Variants in HDAC9 observed in about 807,000 individuals in gnomAD.
HDAC9 encodes MEF-2 interacting transcription repressor (MITR) protein.
A neutral mutation model predicts 139.4 loss-of-function variants in HDAC9; 41 were observed. The ratio of observed to expected loss-of-function variants is 0.29; its 90% CI spans 0.23 to 0.38. The LOEUF (loss-of-function observed/expected upper bound fraction) is 0.38, where lower values mean the gene tolerates loss of function less well. Among genes scored for constraint, HDAC9 ranks in the 10% least tolerant of loss-of-function variants. The pLI is 1.00. For synonymous variants in HDAC9, 517 were observed against 476.2 expected (o/e 1.09, Z -1.12); for missense variants, 1,147 against 1,297.0 (o/e 0.88, Z 1.78).
At chr7:18,882,892 A>C (rs1286859487) in intron 22 of HDAC9, among the ~76,000 whole-genome samples, 2 of 152,160 alleles carry the variant, frequency 1.3e-5, no homozygotes, top group African/African-American at 4.8e-5. Flanking sequence ...GAGGATGGGC[A>C]GACATCTTTG....
chr7:18,244,022 A>G (rs1255982667), intron 2 of HDAC9, among the ~76,000 whole-genome samples: 1 of 152,212 alleles, frequency 6.6e-6, no homozygotes, highest in African/African-American at 2.4e-5. Flanking sequence ...AGTTTATCCC[A>G]TGGAGGGGAA....
intron 2 of HDAC9, among the ~76,000 whole-genome samples, chr7:18,206,361 T>C (rs892687870): frequency 6.6e-6 from 1 of 152,208 alleles, no homozygotes; most frequent in Non-Finnish European, 1.5e-5. Flanking sequence ...TAGAATAAAG[T>C]TTATTTCATT....
intron 1 of HDAC9, among the ~76,000 whole-genome samples, chr7:18,150,260 C>T (rs1223497608): frequency 6.6e-6 from 1 of 151,368 alleles, no homozygotes; most frequent in East Asian, 1.9e-4. Flanking sequence ...AGCAACAAAA[C>T]AGTCTGATTT....
At chr7:18,740,058 G>C (rs1462137005) in intron 13 of HDAC9, among the ~76,000 whole-genome samples, 1 of 152,208 alleles carries the variant, frequency 6.6e-6, no homozygotes, top group Admixed American at 6.5e-5. Context: ...GGCTCTATGA[G>C]CGTGGGACCT....
intron 1 of HDAC9, among the ~76,000 whole-genome samples, chr7:18,116,320 A>C (rs1783979699): frequency 6.6e-6 from 1 of 152,192 alleles, no homozygotes; most frequent in Admixed American, 6.5e-5. Context: ...TGCTTGGAAA[A>C]GTTACATTTT....
At chr7:18,103,480 C>T (rs147805969) in intron 1 of HDAC9, among the ~76,000 whole-genome samples, 175 of 152,270 alleles carry the variant, frequency 1.1e-3, no homozygotes, top group Non-Finnish European at 1.9e-3. Context: ...CAGCCCTTTG[C>T]GCCATCTCTC....
At chr7:18,397,461 C>T (rs1787165008) in intron 1 of HDAC9, among the ~76,000 whole-genome samples, 1 of 152,072 alleles carries the variant, frequency 6.6e-6, no homozygotes, top group East Asian at 1.9e-4. Flanking sequence ...ATTCCCTAGG[C>T]AAATTTTTGG....
intron 5 of HDAC9, among the ~76,000 whole-genome samples, chr7:18,591,846 C>G (rs1831086607): frequency 2.0e-5 from 3 of 151,946 alleles, no homozygotes; most frequent in African/African-American, 7.3e-5. Flanking sequence ...TGGCACGGTC[C>G]TATAAAATAA....
At chr7:18,653,220 C>T (rs1584628902) in intron 11 of HDAC9, among the ~76,000 whole-genome samples, 1 of 95,636 alleles carries the variant, frequency 1.0e-5, no homozygotes, top group African/African-American at 4.5e-5. Context: ...ACCTGGGCCA[C>T]AAGGGTGAAA....
intron 6 of HDAC9, among the ~76,000 whole-genome samples, chr7:18,606,179 C>G (rs147164064): frequency 6.6e-6 from 1 of 152,312 alleles, no homozygotes; most frequent in African/African-American, 2.4e-5. Context: ...GTTTGCCCTG[C>G]AACCTTAATT....
At chr7:18,888,581 A>G (rs188620788) in intron 22 of HDAC9, among the ~76,000 whole-genome samples, 4 of 152,362 alleles carry the variant, frequency 2.6e-5, no homozygotes, top group African/African-American at 7.2e-5. Flanking sequence ...TCTATATCCT[A>G]TCGACCTCCC....
At chr7:18,321,663 T>C (rs1463660957) in intron 1 of HDAC9, among the ~76,000 whole-genome samples, 1 of 152,184 alleles carries the variant, frequency 6.6e-6, no homozygotes. Flanking sequence ...AGGTTCAAAT[T>C]CCTGTCTGAT....
chr7:18,791,649 C>T lies in HDAC9; in HGVS notation c.2215-1696C>T, dbSNP rs117893368. Among the ~76,000 whole-genome samples, 1,083 of 152,152 alleles carry T rather than the reference C, an allele frequency of 7.1e-3. 23 individuals carry two copies. Among genetic ancestry groups the T allele is most frequent in the East Asian group, 0.036 (187 of 5,168 alleles). ...AGGGGATGCTGGCTCCTAGAAAGCACGGGTTTCTTCAGGAGGGTGATGGAA... is the reference window on the plus strand; with the variant it reads ...AGGGGATGCTGGCTCCTAGAAAGCATGGGTTTCTTCAGGAGGGTGATGGAA... On this transcript the variant is annotated intron_variant, in intron 16 of 25. Transcript: ENST00000686413.
chr7:18,500,771 C>T (rs1798156646), intron 2 of HDAC9, among the ~76,000 whole-genome samples: 1 of 151,962 alleles, frequency 6.6e-6, no homozygotes, highest in African/African-American at 2.4e-5. Flanking sequence ...AACATCAACT[C>T]ATTGAACCCA....
chr7:18,929,784 A>G (rs1438687953), intron 22 of HDAC9, among the ~76,000 whole-genome samples: 1 of 152,068 alleles, frequency 6.6e-6, no homozygotes, highest in Non-Finnish European at 1.5e-5. Flanking sequence ...TACTAAAAAT[A>G]CAAAAATTAG....
At chr7:18,594,158 A>T in intron 6 of HDAC9, 129 bp downstream of exon 6, 1 of 834,674 alleles carries the variant, frequency 1.2e-6, no homozygotes, top group Non-Finnish European at 1.9e-6. Flanking sequence ...CCCTGCCCCC[A>T]GCATAAGCAA....
intron 12 of HDAC9, among the ~76,000 whole-genome samples, chr7:18,674,991 A>G (rs1781410536): frequency 6.6e-6 from 1 of 151,910 alleles, no homozygotes; most frequent in South Asian, 2.1e-4. Context: ...AAAATATAAT[A>G]TCTAGATTAA....
In HDAC9 at chr7:18,871,941, C is replaced by T. The variant is rs530804843; in HGVS notation, c.2685-2537C>T. Among the ~76,000 whole-genome samples the T allele has an allele frequency of 1.3e-3, 200 of 152,138 alleles. 3 individuals are homozygous for T. Among genetic ancestry groups the T allele is most frequent in the African/African-American group, 7.5e-4 (31 of 41,534 alleles). Reference sequence around the variant, plus strand: ...AATTGAGCACATCTTTAGACCAAGACGGTGTTTGCAACATAGTAGACACTG... The same window carrying T: ...AATTGAGCACATCTTTAGACCAAGATGGTGTTTGCAACATAGTAGACACTG... On this transcript the variant is annotated intron_variant, in intron 21 of 25. Coordinates refer to ENST00000686413, the MANE Select transcript of HDAC9 (RefSeq NM_178425.4).
Position 18,648,487 on chromosome 7 carries a change from A to G in HDAC9, c.1271A>G (p.Gln424Arg). The G allele has an allele frequency of 6.2e-7, 1 of 1,612,340 alleles. No homozygotes were observed. The highest frequency in any genetic ancestry group is 8.5e-7 in the Non-Finnish European group (1 of 1,179,570). ...LVAGGVPLHP[Q>R]SPLATKERIS... ...TCAGGTGGAGTTCCCTTACATCCTC[A>G]GTCTCCCTTGGCAACAAAAGAGAGA... is the stretch of plus-strand genomic sequence containing the variant. Residue 424 changes from glutamine (Q) to arginine (R), a missense_variant, in exon 11 of 26, where the codon CAG (glutamine) becomes CGG (arginine). Transcript: ENST00000686413.
Sources: allele counts gnomAD v4.1 joint callset (sites outside exome capture counted in the v4.1 genomes callset), GRCh38; gene constraint gnomAD v4.1.1; transcripts MANE v1.5; gene names NCBI Gene and HGNC (gene_info 2026-07-23, HGNC 2026-07-21).